The following VEZT variants were observed in gnomAD, a reference collection of about 807,000 sequenced individuals.
VEZT encodes vezatin, adherens junctions transmembrane protein.
Under a neutral mutation model 79.9 loss-of-function variants are expected in VEZT, and 39 were observed. The ratio of observed to expected loss-of-function variants is 0.49; its 90% CI spans 0.38 to 0.64. The LOEUF (loss-of-function observed/expected upper bound fraction) is 0.64. Ranked by LOEUF, VEZT falls within the 30% of genes least tolerant of loss-of-function variation. The pLI, the probability that VEZT is intolerant of heterozygous loss-of-function variation, is 0.00. For missense variants in VEZT, 837 were observed against 893.1 expected, an observed-to-expected ratio of 0.94 and a Z score of 0.80; for synonymous variants, 325 against 327.6, an observed-to-expected ratio of 0.99 and a Z score of 0.09.
At chr12:95,273,322 G>A (rs774943132) in intron 6 of VEZT, among the ~76,000 whole-genome samples, 8 of 152,138 alleles carry the variant, frequency 5.3e-5, no homozygotes, top group Non-Finnish European at 1.2e-4. Context: ...TTTATACAGG[G>A]ATAAATATGT....
At chr12:95,243,930 A>G (rs755088261) in intron 1 of VEZT, 4 of 455,878 alleles carry the variant, frequency 8.8e-6, no homozygotes, top group African/African-American at 6.0e-5. Flanking sequence ...CTTCTACCAT[A>G]TTATATCTAG....
At chr12:95,219,727 T>G (rs1427989046) in intron 1 of VEZT, among the ~76,000 whole-genome samples, 2 of 152,210 alleles carry the variant, frequency 1.3e-5, no homozygotes, top group African/African-American at 4.8e-5. Context: ...CGCAGAAAGG[T>G]TATACCAATT....
intron 11 of VEZT, chr12:95,299,700 C>T (rs1374428869): frequency 6.6e-6 from 1 of 152,256 alleles, no homozygotes; most frequent in Non-Finnish European, 1.5e-5. Flanking sequence ...GAAAACCATG[C>T]TGCTTATTCC....
chr12:95,259,758 A>C (rs1001794682), intron 3 of VEZT, among the ~76,000 whole-genome samples: 2 of 152,222 alleles, frequency 1.3e-5, no homozygotes, highest in East Asian at 3.8e-4. Context: ...TGGGCTTCCC[A>C]GTCCAAATAG....
chr12:95,296,295 G>A (rs1300614773), intron 11 of VEZT, 37 bp downstream of exon 11: 1 of 1,520,500 alleles, frequency 6.6e-7, no homozygotes, highest in Non-Finnish European at 8.9e-7. Flanking sequence ...TTATTTCAAT[G>A]TAGGGGATTC....
intron 2 of VEZT, among the ~76,000 whole-genome samples, chr12:95,254,085 A>T (rs2063056567): frequency 1.3e-5 from 2 of 152,130 alleles, no homozygotes; most frequent in Admixed American, 1.3e-4. Context: ...GGCCCAAGTG[A>T]TCCTCCCACC....
At chr12:95,284,925 A>C (rs1218881775) in intron 8 of VEZT, among the ~76,000 whole-genome samples, 2 of 151,940 alleles carry the variant, frequency 1.3e-5, no homozygotes, top group Non-Finnish European at 2.9e-5. Context: ...CTCTACTAAA[A>C]ATACAAAAAA....
chr12:95,273,228 G>A (rs1472921190), intron 6 of VEZT, among the ~76,000 whole-genome samples: 1 of 151,844 alleles, frequency 6.6e-6, no homozygotes, highest in African/African-American at 2.4e-5. Flanking sequence ...GGATCTCCAA[G>A]TTATATTAAG....
chr12:95,258,085 C>CT (rs1308306871), intron 3 of VEZT, among the ~76,000 whole-genome samples: 4 of 152,106 alleles, frequency 2.6e-5, no homozygotes, highest in African/African-American at 9.7e-5. Context: ...AGCATACGAC[C>CT]TCTCTAGCTC....
chr12:95,298,246 T>C (rs1164755242), intron 11 of VEZT, among the ~76,000 whole-genome samples: 1 of 152,144 alleles, frequency 6.6e-6, no homozygotes, highest in African/African-American at 2.4e-5. Flanking sequence ...CTCTGAGTGC[T>C]CCAGCTCTGC....
chr12:95,236,093 G>A lies in VEZT; in HGVS notation c.37-15847G>A, dbSNP rs983637965. ...AGGCGGCTGGGAGGTGGAGGTTGTA[G>A]CGAGCCGAGATCACGCCACTGCACT... On this transcript the variant is annotated intron_variant, in intron 1 of 11. Coordinates refer to ENST00000436874, the MANE Select transcript of VEZT (RefSeq NM_017599.4). Among the ~76,000 whole-genome samples the A allele has an allele frequency of 3.9e-5, 6 of 152,114 alleles. No homozygotes were observed. In the South Asian group the frequency reaches 6.2e-4, roughly 16 times the overall value.
chr12:95,250,414 C>T (rs1284752047), intron 1 of VEZT, among the ~76,000 whole-genome samples: 2 of 150,912 alleles, frequency 1.3e-5, no homozygotes, highest in Non-Finnish European at 3.0e-5. Context: ...GCCATTCTCC[C>T]GCCTCAGCCT....
chr12:95,221,510 G>A (rs35670929), intron 1 of VEZT, among the ~76,000 whole-genome samples: 16,369 of 151,604 alleles, frequency 0.11, 1,208 homozygotes, highest in Non-Finnish European at 0.16. Flanking sequence ...GGTTGCTCTG[G>A]GTGACAGAGT....
At position 95,300,595 on chromosome 12, in the gene VEZT, C is replaced by T. The variant is rs1327531344; in HGVS notation, c.2262C>T (p.Thr754=). The change falls in exon 12 of 12, where the codon ACC becomes ACT. Residue 754 remains threonine, a synonymous_variant. Coordinates refer to ENST00000436874, the MANE Select transcript of VEZT (RefSeq NM_017599.4). ...EVAARSLSFT[T]MQEQTFGGEE... is the part of the protein sequence containing the mutation. Reference sequence around the variant, plus strand: ...CTGCTAGATCTCTCTCCTTTACCACCATGCAGGAACAGACTTTTGGTGGTG... The same window carrying T: ...CTGCTAGATCTCTCTCCTTTACCACTATGCAGGAACAGACTTTTGGTGGTG... 1 of 1,613,372 alleles carries T rather than the reference C, an allele frequency of 6.2e-7. No individual in the cohort carries two copies. Among genetic ancestry groups the T allele is most frequent in the Non-Finnish European group, 8.5e-7 (1 of 1,179,546 alleles).
chr12:95,290,337 T>A (rs1362623653), intron 9 of VEZT, among the ~76,000 whole-genome samples: 1 of 152,198 alleles, frequency 6.6e-6, no homozygotes, highest in African/African-American at 2.4e-5. Context: ...TATAAAAACT[T>A]AGTGTTCACA....
intron 10 of VEZT, among the ~76,000 whole-genome samples, chr12:95,295,323 G>C (rs1327674072): frequency 6.6e-6 from 1 of 152,106 alleles, no homozygotes; most frequent in Non-Finnish European, 1.5e-5. Context: ...ACCGCGCCTG[G>C]CTAATTTTTG....
At chr12:95,272,205 G>A (rs1054517855) in intron 6 of VEZT, among the ~76,000 whole-genome samples, 2 of 149,272 alleles carry the variant, frequency 1.3e-5, no homozygotes, top group African/African-American at 5.0e-5. Context: ...GGACAGATGG[G>A]ATTCTTCAGA....
At chr12:95,245,011 T>A (rs1478223308) in intron 1 of VEZT, among the ~76,000 whole-genome samples, 4 of 152,104 alleles carry the variant, frequency 2.6e-5, no homozygotes, top group African/African-American at 9.7e-5. Flanking sequence ...GATGGGCGGA[T>A]CATTTGAGGT....
At position 95,263,070 on chromosome 12, in the gene VEZT, C is replaced by A; in HGVS notation, c.423C>A (p.Thr141=). The A allele has an allele frequency of 1.2e-6, 2 of 1,606,730 alleles. No individual in the cohort carries two copies. Among genetic ancestry groups the A allele is most frequent in the Non-Finnish European group, 8.5e-7 (1 of 1,174,568 alleles). The part of the protein sequence containing the change: ...GHLPTLCSLA[T]PNIWDLSMLF... ...TTCCAACACTTTGCTCCCTGGCAAC[C>A]CCTAATATTTGGTACTGTCCAGAAA... Residue 141 remains threonine, a synonymous_variant, in exon 4 of 12, where the codon ACC becomes ACA. Transcript: ENST00000436874.
Sources: allele counts gnomAD v4.1 joint callset (sites outside exome capture counted in the v4.1 genomes callset), GRCh38; gene constraint gnomAD v4.1.1; transcripts MANE v1.5; gene names NCBI Gene and HGNC (gene_info 2026-07-23, HGNC 2026-07-21).